The following MBIP variants were observed in gnomAD, a reference collection of about 807,000 sequenced individuals.
MBIP encodes MAP3K12-binding inhibitory protein 1.
MBIP carries 32 observed loss-of-function variants against 45.7 expected under a neutral mutation model. The ratio of observed to expected loss-of-function variants is 0.70; its 90% CI spans 0.53 to 0.94. The LOEUF (loss-of-function observed/expected upper bound fraction) is 0.94. Ranked by LOEUF, MBIP falls within the 40% of genes least tolerant of loss-of-function variation. MBIP has a pLI of 0.00. For synonymous variants in MBIP, 145 were observed against 141.0 expected (o/e 1.03, Z -0.20); for missense variants, 381 against 405.5 (o/e 0.94, Z 0.52).
chr14:36,311,928 GTGACTCAGA>G, intron 5 of MBIP, 22 bp downstream of exon 5: 1 of 1,493,360 alleles, frequency 6.7e-7, no homozygotes, highest in Non-Finnish European at 9.1e-7. Flanking sequence ...ACTTCTGTCA[GTGACTCAGA>G]TGTCATGTGG....
chr14:36,306,722 C>CTAG (rs1879903406), intron 7 of MBIP, among the ~76,000 whole-genome samples: 1 of 152,120 alleles, frequency 6.6e-6, no homozygotes, highest in African/African-American at 2.4e-5. Context: ...TGAAATTGAA[C>CTAG]TAGAAAAATA....
intron 7 of MBIP, 50 bp from the exon 8 acceptor site, chr14:36,300,873 T>G: frequency 8.4e-7 from 1 of 1,190,230 alleles, no homozygotes; most frequent in South Asian, 1.4e-5. Context: ...AGCATCATTT[T>G]TTTTTCTTTA....
intron 7 of MBIP, among the ~76,000 whole-genome samples, chr14:36,305,678 G>T (rs936049434): frequency 6.6e-6 from 1 of 152,138 alleles, no homozygotes; most frequent in East Asian, 1.9e-4. Flanking sequence ...TGTCCCAAGT[G>T]TAAGTGCCGT....
At chr14:36,304,418 T>C (rs1331593348) in intron 7 of MBIP, among the ~76,000 whole-genome samples, 2 of 152,192 alleles carry the variant, frequency 1.3e-5, no homozygotes, top group African/African-American at 4.8e-5. Context: ...AAAACATGTA[T>C]AAACATATGA....
At chr14:36,311,929 T>G in intron 5 of MBIP, 30 bp downstream of exon 5, 1 of 1,496,220 alleles carries the variant, frequency 6.7e-7, no homozygotes, top group Non-Finnish European at 9.1e-7. Context: ...CTTCTGTCAG[T>G]GACTCAGATG....
At chr14:36,317,534 G>A (rs986616565) in intron 1 of MBIP, among the ~76,000 whole-genome samples, 1 of 152,086 alleles carries the variant, frequency 6.6e-6, no homozygotes, top group African/African-American at 2.4e-5. Context: ...ATGCTAAGAT[G>A]TGACAGCTCA....
chr14:36,313,790 C>T (rs1880360703), intron 4 of MBIP: 1 of 152,088 alleles, frequency 6.6e-6, no homozygotes, highest in South Asian at 2.1e-4. Flanking sequence ...CAACAAGAAA[C>T]ATGTTCATTC....
At chr14:36,304,128 C>A (rs1035766303) in intron 7 of MBIP, among the ~76,000 whole-genome samples, 2 of 152,188 alleles carry the variant, frequency 1.3e-5, no homozygotes, top group Non-Finnish European at 2.9e-5. Context: ...ACCCACCACA[C>A]GTTCACACGC....
chr14:36,301,004 C>T, intron 7 of MBIP, 181 bp from the exon 8 acceptor site: 1 of 438,380 alleles, frequency 2.3e-6, no homozygotes, highest in Non-Finnish European at 4.1e-6. Flanking sequence ...AAGTTACCCT[C>T]TAAAGAGGAT....
intron 7 of MBIP, 45 bp from the exon 8 acceptor site, chr14:36,300,868 CA>C: frequency 8.2e-7 from 1 of 1,220,162 alleles, no homozygotes; most frequent in Non-Finnish European, 1.2e-6. Flanking sequence ...ATCTAAGCAT[CA>C]TTTTTTTTTC....
Position 36,314,602 on chromosome 14 carries a change from T to C in MBIP, c.481A>G (p.Arg161Gly). The stretch of plus-strand genomic sequence containing the variant: ...CTTTCAATAAATGCAGATATTCGTC[T>C]GTCAATCTACAAACAACAAGTTTTA... ...QIKAGKAEIDRRISAFIERKQ... is the reference protein window; with the variant it reads ...QIKAGKAEIDGRISAFIERKQ... The change falls in exon 4 of 9, where the codon AGA (arginine) becomes GGA (glycine). Residue 161 changes from arginine (R) to glycine (G), a missense_variant. Transcript: ENST00000416007. 3 of 1,610,150 alleles carry C rather than the reference T, an allele frequency of 1.9e-6. No homozygotes were observed. The highest frequency in any genetic ancestry group is 2.5e-6 in the Non-Finnish European group (3 of 1,178,396).
At position 36,301,578 on chromosome 14, in the gene MBIP, AGAGTT is replaced by A. The variant is rs1328849651; in HGVS notation, c.889-760_889-756del. On this transcript the variant is annotated intron_variant, in intron 7 of 8. Transcript: ENST00000416007. ...CCTGGGAAAGAAGTTAACACCAAGC[AGAGTT>A]AAGAGGGGAAAGAAACCTGTTTTCT... is the stretch of plus-strand genomic sequence containing the variant. Among the ~76,000 whole-genome samples, 4 of 128,438 alleles carry A rather than the reference AGAGTT, an allele frequency of 3.1e-5. No homozygotes were observed. In the East Asian group the frequency reaches 9.9e-4, roughly 32 times the overall value. 84.3% of individuals were successfully genotyped at this position (128,438 alleles called of 152,430 possible). A position where few individuals can be genotyped will look rare whatever the true frequency, so the allele number is the denominator to read the frequency against.
intron 2 of MBIP, among the ~76,000 whole-genome samples, 191 bp downstream of exon 2, chr14:36,316,502 T>C (rs1213571447): frequency 6.6e-6 from 1 of 152,172 alleles, no homozygotes; most frequent in Non-Finnish European, 1.5e-5. Context: ...CATTGGTCTT[T>C]TGGGCTATAT....
rs772456771 is a variant in MBIP, at chr14:36,308,081, C to T, written c.888+11G>A. On this transcript the variant is annotated intron_variant, in intron 7 of 8. Transcript: ENST00000416007. ...CATTTTCATTTATTTTTAAAAGACA[C>T]TTATACTCACTACAGACTGAAAATA... 4 of 1,399,668 alleles carry T rather than the reference C, an allele frequency of 2.9e-6. No homozygotes were observed. In the South Asian group the frequency reaches 4.8e-5, roughly 17 times the overall value. 86.7% of individuals were successfully genotyped at this position (1,399,668 alleles called of 1,614,324 possible).
At position 36,308,158 on chromosome 14, in the gene MBIP, T is replaced by C. The variant is rs1376116080; in HGVS notation, c.822A>G (p.Arg274=). ...GGATTTTATCCTCAAGTTTTTTAAT[T>C]CTCTGATAAATGTCTCTTGGCACTG... ...GGPVPRDIYQ[R]IKKLEDKILE... Residue 274 remains arginine, a synonymous_variant, in exon 7 of 9, where the codon AGA becomes AGG. Coordinates refer to ENST00000416007, the MANE Select transcript of MBIP (RefSeq NM_016586.3). 1 of 1,604,428 alleles carries C rather than the reference T, an allele frequency of 6.2e-7. No homozygotes were observed. Among genetic ancestry groups the C allele is most frequent in the Admixed American group, 1.7e-5 (1 of 59,758 alleles).
chr14:36,317,696 A>C (rs1338098823), intron 1 of MBIP, among the ~76,000 whole-genome samples: 1 of 152,100 alleles, frequency 6.6e-6, no homozygotes, highest in Non-Finnish European at 1.5e-5. Context: ...ATAAAAGTGA[A>C]CCATCAAAAA....
At chr14:36,312,813 AT>A (rs1273883182) in intron 4 of MBIP, among the ~76,000 whole-genome samples, 2 of 152,126 alleles carry the variant, frequency 1.3e-5, no homozygotes, top group Non-Finnish European at 2.9e-5. Context: ...ATATATACTT[AT>A]GTTTGAAATA....
chr14:36,308,089 C>T lies in MBIP; in HGVS notation c.888+3G>A, dbSNP rs746466024. 8.1e-6 allele frequency: 12 copies of T among 1,475,586 alleles called. No individual in the cohort carries two copies. The highest frequency in any genetic ancestry group is 4.2e-5 in the African/African-American group (3 of 71,668). The allele number at this position is 1,475,586 out of a possible 1,614,324, so 91.4% of individuals were successfully genotyped here. A position where few individuals can be genotyped will look rare whatever the true frequency, so the allele number is the denominator to read the frequency against. On this transcript the variant is annotated splice_donor_region_variant and intron_variant, in intron 7 of 8. Transcript: ENST00000416007. Reference sequence around the variant, plus strand: ...TTTATTTTTAAAAGACACTTATACTCACTACAGACTGAAAATATTCAGGAG... The same window carrying T: ...TTTATTTTTAAAAGACACTTATACTTACTACAGACTGAAAATATTCAGGAG...
chr14:36,303,354 T>A (rs1287764982), intron 7 of MBIP, among the ~76,000 whole-genome samples: 2 of 152,202 alleles, frequency 1.3e-5, no homozygotes, highest in African/African-American at 4.8e-5. Flanking sequence ...TTCCTAGTCA[T>A]GCACCGCTTA....
Sources: gnomAD v4.1 joint callset for allele counts (sites outside exome capture counted in the v4.1 genomes callset) on GRCh38, gnomAD v4.1.1 for gene constraint, MANE v1.5 for transcripts, NCBI Gene and HGNC (gene_info 2026-07-23, HGNC 2026-07-21) for gene names.